GRK4: variants seen among roughly 807,000 people sequenced by gnomAD.
GRK4 encodes the protein G protein-coupled receptor kinase 4, also known as G protein-coupled receptor kinase 2-like.
A neutral mutation model predicts 77.9 loss-of-function variants in GRK4; 73 were observed. The ratio of observed to expected loss-of-function variants is 0.94; its 90% CI spans 0.78 to 1.14. GRK4 has a LOEUF of 1.14. Ranked by LOEUF, GRK4 falls within the 50% of genes most tolerant of loss-of-function variation. The pLI, the probability that GRK4 is intolerant of heterozygous loss-of-function variation, is 0.00. For missense variants in GRK4, 729 were observed against 700.2 expected (o/e 1.04, Z -0.46); for synonymous variants, 257 against 254.4 (o/e 1.01, Z -0.10).
Position 3,040,653 on chromosome 4 carries a change from C to A in GRK4, c.*28C>A, listed in dbSNP as rs779097511. ...ACCCCGGTGCGGACCACAGAGCAGA[C>A]CCTGGCGCCAGGAAGGAGCATGTGT... On this transcript the variant is annotated 3_prime_UTR_variant, in exon 16 of 16. Coordinates refer to ENST00000398052, the MANE Select transcript of GRK4 (RefSeq NM_182982.3). 4 of 1,599,050 alleles carry A rather than the reference C, an allele frequency of 2.5e-6. No individual in the cohort carries two copies. The highest frequency in any genetic ancestry group is 3.4e-6 in the Non-Finnish European group (4 of 1,170,968).
In GRK4 at chr4:3,039,868, T is replaced by G. The variant is rs897795756; in HGVS notation, c.1684-704T>G. 5.9e-5 allele frequency among the ~76,000 whole-genome samples: 9 copies of G among 152,090 alleles called. No homozygotes were observed. The South Asian group carries it at 1.9e-3, about 32-fold the overall frequency. ...GCCAGCCCTGCATGGAAATAAATGC[T>G]CCTCCCTGGGCCCCGGTCCCAGTGT... On this transcript the variant is annotated intron_variant, in intron 15 of 15. Transcript: ENST00000398052.
chr4:3,015,499 C>G (rs1052463791), intron 8 of GRK4, among the ~76,000 whole-genome samples: 1 of 151,658 alleles, frequency 6.6e-6, no homozygotes, highest in Non-Finnish European at 1.5e-5. Context: ...CACAGTGAAA[C>G]CCCATCTCTA....
chr4:3,013,659 A>G, intron 7 of GRK4, 29 bp from the exon 8 acceptor site: 1 of 1,587,578 alleles, frequency 6.3e-7, no homozygotes. Flanking sequence ...GGTGGACATA[A>G]ACCTCCTTTA....
intron 12 of GRK4, among the ~76,000 whole-genome samples, chr4:3,032,330 TAGCC>T (rs1578390258): frequency 7.2e-6 from 1 of 138,166 alleles, no homozygotes; most frequent in African/African-American, 2.7e-5. Flanking sequence ...AAAAAAAAAT[TAGCC>T]AGGTGCGGTG....
At chr4:2,982,130 G>T (rs1723045402) in intron 1 of GRK4, among the ~76,000 whole-genome samples, 1 of 152,286 alleles carries the variant, frequency 6.6e-6, no homozygotes. Flanking sequence ...GCACAGGGAT[G>T]CCCAGGTCAG....
At chr4:2,968,648 G>A (rs1340834321) in intron 1 of GRK4, among the ~76,000 whole-genome samples, 1 of 152,066 alleles carries the variant, frequency 6.6e-6, no homozygotes, top group African/African-American at 2.4e-5. Flanking sequence ...ATTCTTATAG[G>A]GGAGGCAGTC....
rs1723675058 is a variant in GRK4 at position 2,984,427 on chromosome 4, ATGTTAAGATATATTGG to A, written c.53-83_53-68del. On this transcript the variant is annotated intron_variant, in intron 1 of 15. Coordinates refer to ENST00000398052, the MANE Select transcript of GRK4 (RefSeq NM_182982.3). ...AGGTACCCAAACCACTCAAACAGAA[ATGTTAAGATATATTGG>A]TGGAAGTAGTTGTTATAATTGGATA... 3.8e-5 allele frequency: 26 copies of A among 691,966 alleles called. No homozygotes were observed. In the South Asian group the frequency reaches 4.2e-4, roughly 11 times the overall value. 42.9% of individuals were successfully genotyped at this position (691,966 alleles called of 1,614,324 possible).
chr4:3,020,821 A>G (rs1035801937), intron 9 of GRK4, among the ~76,000 whole-genome samples: 3 of 125,466 alleles, frequency 2.4e-5, no homozygotes, highest in African/African-American at 9.5e-5. Context: ...AAATATTCAG[A>G]AAAAAAAGGA....
chr4:2,965,764 G>A, intron 1 of GRK4: 1 of 356,752 alleles, frequency 2.8e-6, no homozygotes, highest in East Asian at 6.6e-5. Flanking sequence ...AGAATGGGTG[G>A]GAAGAGAATG....
At chr4:3,013,614 CAA>C in intron 7 of GRK4, 72 bp from the exon 8 acceptor site, 1 of 1,525,466 alleles carries the variant, frequency 6.6e-7, no homozygotes, top group Non-Finnish European at 8.8e-7. Context: ...TCTCATCAAG[CAA>C]AGAGCTTCCT....
chr4:2,997,472 A>T (rs1349377045), intron 4 of GRK4, among the ~76,000 whole-genome samples: 4 of 152,216 alleles, frequency 2.6e-5, no homozygotes, highest in Non-Finnish European at 5.9e-5. Context: ...TCACAATAAC[A>T]ATTAAACGTC....
intron 1 of GRK4, among the ~76,000 whole-genome samples, chr4:2,984,307 C>T (rs1723631388): frequency 6.6e-6 from 1 of 152,150 alleles, no homozygotes; most frequent in Non-Finnish European, 1.5e-5. Flanking sequence ...AATGGCAGAG[C>T]TAGTGACAGA....
intron 1 of GRK4, among the ~76,000 whole-genome samples, chr4:2,972,279 G>A (rs970940668): frequency 5.3e-5 from 8 of 152,136 alleles, no homozygotes; most frequent in Non-Finnish European, 8.8e-5. Context: ...GCCGACCACC[G>A]TTGACCTCGC....
intron 1 of GRK4, among the ~76,000 whole-genome samples, chr4:2,980,133 G>C (rs1722453800): frequency 6.6e-6 from 1 of 152,180 alleles, no homozygotes; most frequent in Non-Finnish European, 1.5e-5. Flanking sequence ...CCTCCACAGG[G>C]TACCCAGAGC....
At position 3,027,834 on chromosome 4, in the gene GRK4, C is replaced by T. The variant is rs2995796; in HGVS notation, c.971-78C>T. ...TTTCCAGCCATGGTTTTTGAGGGGCCTTTTTTCCCATTTTAATTGTTGTTA... is the reference window on the plus strand; with the variant it reads ...TTTCCAGCCATGGTTTTTGAGGGGCTTTTTTTCCCATTTTAATTGTTGTTA... On this transcript the variant is annotated intron_variant, in intron 10 of 15. Coordinates refer to ENST00000398052, the MANE Select transcript of GRK4 (RefSeq NM_182982.3). 7.4e-6 allele frequency: 9 copies of T among 1,221,426 alleles called. No individual in the cohort carries two copies. The East Asian group carries it at 2.2e-4, about 29-fold the overall frequency. The allele number at this position is 1,221,426 out of a possible 1,614,324, so 75.7% of individuals were successfully genotyped here. A position where few individuals can be genotyped will look rare whatever the true frequency, so the allele number is the denominator to read the frequency against.
chr4:3,029,424 G>T lies in GRK4; in HGVS notation c.1269+15G>T. On this transcript the variant is annotated intron_variant, in intron 12 of 15. Coordinates refer to ENST00000398052, the MANE Select transcript of GRK4 (RefSeq NM_182982.3). ...TCTGCAGGATGGTAAGTCAGGCTCT[G>T]TAGAGGCTGGGAAATGGCACTTCTC... 1.3e-6 allele frequency: 2 copies of T among 1,599,014 alleles called. No homozygotes were observed. Among genetic ancestry groups the T allele is most frequent in the Non-Finnish European group, 1.7e-6 (2 of 1,166,888 alleles).
chr4:2,967,587 C>G (rs1012707276), intron 1 of GRK4, among the ~76,000 whole-genome samples: 1 of 151,918 alleles, frequency 6.6e-6, no homozygotes, highest in African/African-American at 2.4e-5. Context: ...TTAGTAGAGA[C>G]AAGGTTTTGC....
intron 3 of GRK4, among the ~76,000 whole-genome samples, chr4:2,991,290 C>G (rs1474209883): frequency 6.6e-6 from 1 of 152,148 alleles, no homozygotes; most frequent in Non-Finnish European, 1.5e-5. Context: ...TCAGAGCCAC[C>G]TAGATTATCT....
intron 1 of GRK4, among the ~76,000 whole-genome samples, chr4:2,979,864 A>T (rs192846523): frequency 1.2e-4 from 18 of 152,286 alleles, no homozygotes; most frequent in Non-Finnish European, 2.6e-4. Flanking sequence ...ACAGAGCAAG[A>T]CCCTATCTCA....
Sources: allele counts gnomAD v4.1 joint callset (sites outside exome capture counted in the v4.1 genomes callset), GRCh38; gene constraint gnomAD v4.1.1; transcripts MANE v1.5; gene names NCBI Gene and HGNC (gene_info 2026-07-23, HGNC 2026-07-21).